EPHA6: variants seen among roughly 807,000 people sequenced by gnomAD.
EPHA6 encodes EPH receptor A6.
A neutral mutation model predicts 112.0 loss-of-function variants in EPHA6; 50 were observed. The ratio of observed to expected loss-of-function variants is 0.45; its 90% CI spans 0.36 to 0.56. The LOEUF (loss-of-function observed/expected upper bound fraction) is 0.56. Among genes scored for constraint, EPHA6 ranks in the 20% least tolerant of loss-of-function variants. The pLI is 0.00. For missense variants in EPHA6, 1,280 were observed against 1,417.4 expected (o/e 0.90, Z 1.56); for synonymous variants, 529 against 490.7 (o/e 1.08, Z -1.03).
intron 15 of EPHA6, among the ~76,000 whole-genome samples, chr3:97,735,351 G>A (rs558010573): frequency 3.3e-5 from 5 of 152,106 alleles, no homozygotes; most frequent in Non-Finnish European, 7.4e-5. Flanking sequence ...ACCTTAGGAG[G>A]TATAGGAGTA....
chr3:97,700,699 A>G (rs1220562518), intron 14 of EPHA6, among the ~76,000 whole-genome samples: 2 of 152,234 alleles, frequency 1.3e-5, no homozygotes, highest in Non-Finnish European at 2.9e-5. Flanking sequence ...TACACCACAC[A>G]CACATACAGT....
chr3:97,272,416 T>C (rs914099025), intron 5 of EPHA6, among the ~76,000 whole-genome samples: 2 of 152,170 alleles, frequency 1.3e-5, no homozygotes, highest in African/African-American at 4.8e-5. Flanking sequence ...CTCATCATTG[T>C]GTGAACATCA....
intron 3 of EPHA6, among the ~76,000 whole-genome samples, chr3:97,138,278 T>G (rs1248415240): frequency 6.6e-6 from 1 of 152,174 alleles, no homozygotes; most frequent in African/African-American, 2.4e-5. Context: ...GCTGAGCAAC[T>G]GCAGCAAAGC....
chr3:96,943,714 T>C (rs1237959643), intron 2 of EPHA6, among the ~76,000 whole-genome samples: 1 of 152,190 alleles, frequency 6.6e-6, no homozygotes, highest in Non-Finnish European at 1.5e-5. Flanking sequence ...TGTTGTATGA[T>C]AGAGTATGGT....
rs545647673 is a variant in EPHA6 at position 97,267,555 on chromosome 3, G to GA, written c.1606+23275dup. On this transcript the variant is annotated intron_variant, in intron 5 of 17. Transcript: ENST00000389672. ...TGACTAAAGGAATGAATGCATAAAC[G>GA]AAAAAAATCTTATGTTTATATTTGC... 2.9e-3 allele frequency among the ~76,000 whole-genome samples: 441 copies of GA among 151,872 alleles called. 3 individuals are homozygous for GA. Among genetic ancestry groups the GA allele is most frequent in the African/African-American group, 9.5e-3 (395 of 41,438 alleles).
At chr3:97,715,889 A>G (rs763702366) in intron 14 of EPHA6, among the ~76,000 whole-genome samples, 6 of 152,220 alleles carry the variant, frequency 3.9e-5, no homozygotes, top group Non-Finnish European at 7.3e-5. Context: ...TTTTACTAAT[A>G]AACATTTTAG....
intron 3 of EPHA6, among the ~76,000 whole-genome samples, chr3:97,128,566 A>G (rs1375501787): frequency 2.0e-5 from 3 of 152,056 alleles, no homozygotes; most frequent in Admixed American, 6.5e-5. Context: ...ATGACTATGC[A>G]GGAGTGCAGT....
chr3:97,486,269 A>C (rs2091696349), intron 10 of EPHA6, among the ~76,000 whole-genome samples: 1 of 152,212 alleles, frequency 6.6e-6, no homozygotes, highest in African/African-American at 2.4e-5. Flanking sequence ...TTCAGCTTTC[A>C]AACAATATGC....
chr3:97,539,229 C>T (rs1031078386), intron 11 of EPHA6, among the ~76,000 whole-genome samples: 3 of 150,968 alleles, frequency 2.0e-5, no homozygotes, highest in African/African-American at 7.3e-5. Context: ...CTCACTGCAA[C>T]CTTTGCCTCC....
At chr3:97,544,268 C>G (rs1433174973) in intron 11 of EPHA6, among the ~76,000 whole-genome samples, 2 of 152,086 alleles carry the variant, frequency 1.3e-5, no homozygotes, top group Non-Finnish European at 2.9e-5. Flanking sequence ...TACGTCCCAT[C>G]AATACCTAAT....
chr3:97,013,574 A>G (rs1355893733), intron 3 of EPHA6, among the ~76,000 whole-genome samples: 1 of 152,206 alleles, frequency 6.6e-6, no homozygotes, highest in Non-Finnish European at 1.5e-5. Context: ...CTTGGAACAC[A>G]GTACTATTTA....
intron 4 of EPHA6, among the ~76,000 whole-genome samples, chr3:97,229,012 G>A (rs1449090525): frequency 6.6e-6 from 1 of 152,038 alleles, no homozygotes; most frequent in Non-Finnish European, 1.5e-5. Flanking sequence ...GGCAGTTTGT[G>A]TATCTTCTTT....
chr3:97,388,481 A>C (rs1486819681), intron 5 of EPHA6, among the ~76,000 whole-genome samples: 5 of 152,156 alleles, frequency 3.3e-5, no homozygotes, highest in African/African-American at 1.2e-4. Context: ...ATACAATCTT[A>C]ACAAGGAAAG....
intron 6 of EPHA6, among the ~76,000 whole-genome samples, chr3:97,447,385 C>T (rs1470402366): frequency 1.3e-5 from 2 of 152,048 alleles, no homozygotes; most frequent in Non-Finnish European, 2.9e-5. Flanking sequence ...ATTTAAGCAT[C>T]AAATGAATGA....
intron 3 of EPHA6, among the ~76,000 whole-genome samples, chr3:97,059,979 G>A (rs1203460208): frequency 6.6e-6 from 1 of 151,904 alleles, no homozygotes; most frequent in East Asian, 1.9e-4. Context: ...AAATTAGCCA[G>A]GTGTGGTGGC....
At chr3:97,242,699 A>C (rs2078881780) in intron 4 of EPHA6, among the ~76,000 whole-genome samples, 1 of 151,830 alleles carries the variant, frequency 6.6e-6, no homozygotes, top group Non-Finnish European at 1.5e-5. Context: ...ATCCAAAAGG[A>C]GCCTATATCA....
intron 10 of EPHA6, among the ~76,000 whole-genome samples, chr3:97,520,067 A>C (rs1432540637): frequency 4.0e-5 from 6 of 150,020 alleles, no homozygotes; most frequent in Non-Finnish European, 7.4e-5. Flanking sequence ...TCCCGGGTTC[A>C]TGCCATTCTC....
At chr3:96,914,244 T>C (rs760276133) in intron 2 of EPHA6, among the ~76,000 whole-genome samples, 1 of 152,186 alleles carries the variant, frequency 6.6e-6, no homozygotes, top group Non-Finnish European at 1.5e-5. Context: ...TATTGATGAA[T>C]TGTAGATATC....
intron 2 of EPHA6, among the ~76,000 whole-genome samples, chr3:96,972,793 C>T (rs576150111): frequency 2.6e-5 from 4 of 152,008 alleles, no homozygotes; most frequent in Non-Finnish European, 4.4e-5. Flanking sequence ...TCCAATAGTC[C>T]GTTCTGTGCT....
Sources: allele counts gnomAD v4.1 joint callset (sites outside exome capture counted in the v4.1 genomes callset), GRCh38; gene constraint gnomAD v4.1.1; transcripts MANE v1.5; gene names NCBI Gene and HGNC (gene_info 2026-07-23, HGNC 2026-07-21).